The following TTLL5 variants were observed in gnomAD, a reference collection of about 807,000 sequenced individuals.
The protein encoded by TTLL5 is tubulin tyrosine ligase like 5.
In TTLL5, 132 loss-of-function variants were observed where a neutral mutation model predicts 168.4. That is an observed-to-expected ratio of 0.78 (90% CI 0.68 to 0.91). The LOEUF (loss-of-function observed/expected upper bound fraction) is 0.91, where lower values mean the gene tolerates loss of function less well. Ranked by LOEUF, TTLL5 falls within the 40% of genes least tolerant of loss-of-function variation. The probability of loss-of-function intolerance (pLI) is 0.00; values close to 1 mark genes in which losing one functional copy is unlikely to be tolerated. For missense variants in TTLL5, 1,545 were observed against 1,581.5 expected (o/e 0.98, Z 0.39); for synonymous variants, 546 against 558.6 (o/e 0.98, Z 0.32).
At chr14:75,928,898 G>A (rs1297324485) in intron 31 of TTLL5, among the ~76,000 whole-genome samples, 2 of 152,286 alleles carry the variant, frequency 1.3e-5, no homozygotes, top group East Asian at 1.9e-4. Context: ...GTGATATGAA[G>A]TATTTAGTTT....
intron 27 of TTLL5, among the ~76,000 whole-genome samples, chr14:75,796,473 G>A (rs1239578130): frequency 6.6e-6 from 1 of 152,052 alleles, no homozygotes; most frequent in African/African-American, 2.4e-5. Flanking sequence ...TTTGCTTTTG[G>A]GGTCTTGGCC....
At chr14:75,706,861 T>C (rs563728653) in intron 7 of TTLL5, among the ~76,000 whole-genome samples, 157 bp from the exon 8 acceptor site, 1 of 152,276 alleles carries the variant, frequency 6.6e-6, no homozygotes, top group South Asian at 2.1e-4. Flanking sequence ...TGATATTATA[T>C]GGCCAACTGA....
intron 12 of TTLL5, among the ~76,000 whole-genome samples, chr14:75,730,886 A>G (rs1395419258): frequency 6.6e-6 from 1 of 151,822 alleles, no homozygotes; most frequent in Non-Finnish European, 1.5e-5. Context: ...CGCCCAGCTA[A>G]TTTTTGTATT....
chr14:75,885,460 C>T (rs1198323298), intron 30 of TTLL5, among the ~76,000 whole-genome samples: 1 of 152,204 alleles, frequency 6.6e-6, no homozygotes, highest in African/African-American at 2.4e-5. Flanking sequence ...CCACTGCACT[C>T]CAGCCTGGGT....
chr14:75,695,312 G>A (rs540751174), intron 6 of TTLL5, among the ~76,000 whole-genome samples: 2 of 152,302 alleles, frequency 1.3e-5, no homozygotes, highest in African/African-American at 4.8e-5. Context: ...ATTTTAGTCA[G>A]ACTGGTTGTC....
intron 29 of TTLL5, among the ~76,000 whole-genome samples, chr14:75,876,898 G>A (rs1012141977): frequency 2.0e-5 from 3 of 152,232 alleles, no homozygotes; most frequent in Non-Finnish European, 4.4e-5. Flanking sequence ...GCTCTGAACA[G>A]TCTTGGCCTG....
rs115597829 is a variant in TTLL5, at chr14:75,824,400, G to C, written c.3326+4239G>C. On this transcript the variant is annotated intron_variant, in intron 28 of 31. Coordinates refer to ENST00000298832, the MANE Select transcript of TTLL5 (RefSeq NM_015072.5). ...TTATGGGATAGACAATTTGAAGAAA[G>C]GGTGTCAAGAAGGGCATGTAAGGAG... is the stretch of plus-strand genomic sequence containing the variant. Among the ~76,000 whole-genome samples the C allele has an allele frequency of 5.1e-3, 773 of 151,602 alleles. 12 individuals carry two copies. The highest frequency in any genetic ancestry group is 0.017 in the African/African-American group (720 of 41,280).
At chr14:75,928,559 C>A (rs1037313576) in intron 31 of TTLL5, among the ~76,000 whole-genome samples, 2 of 151,798 alleles carry the variant, frequency 1.3e-5, no homozygotes, top group Non-Finnish European at 2.9e-5. Flanking sequence ...CTCCCTCCCT[C>A]CCCTGAGATT....
chr14:75,892,367 A>G (rs1039416204), intron 30 of TTLL5, among the ~76,000 whole-genome samples: 1 of 152,256 alleles, frequency 6.6e-6, no homozygotes, highest in Non-Finnish European at 1.5e-5. Context: ...AGCTGAAGCT[A>G]CAGGCTTTCT....
In TTLL5 at chr14:75,864,817, G is replaced by T. The variant is rs115631082; in HGVS notation, c.3522+955G>T. Among the ~76,000 whole-genome samples, 1,274 of 152,200 alleles carry T rather than the reference G, an allele frequency of 8.4e-3. 18 individuals are homozygous for T. Among genetic ancestry groups the T allele is most frequent in the African/African-American group, 0.029 (1,200 of 41,526 alleles). ...CTTATAAAAATGTAGTACATAGTGT[G>T]TATGAGTTTGTGCAAAATTATTTAC... is the stretch of plus-strand genomic sequence containing the variant. On this transcript the variant is annotated intron_variant, in intron 29 of 31. Coordinates refer to ENST00000298832, the MANE Select transcript of TTLL5 (RefSeq NM_015072.5).
chr14:75,935,104 A>T (rs1469544959), intron 31 of TTLL5, among the ~76,000 whole-genome samples: 1 of 152,238 alleles, frequency 6.6e-6, no homozygotes, highest in Non-Finnish European at 1.5e-5. Context: ...GTGAGCTGAC[A>T]TCTGATTCCT....
chr14:75,923,137 G>A (rs1233981345), intron 31 of TTLL5, among the ~76,000 whole-genome samples: 1 of 152,108 alleles, frequency 6.6e-6, no homozygotes, highest in Non-Finnish European at 1.5e-5. Flanking sequence ...TGTCAATTTT[G>A]TTGATCTTCT....
chr14:75,905,260 A>G (rs2033096037), intron 31 of TTLL5, among the ~76,000 whole-genome samples: 1 of 152,180 alleles, frequency 6.6e-6, no homozygotes, highest in East Asian at 1.9e-4. Context: ...GTTAAACATG[A>G]TATTGAGTCC....
Position 75,664,606 on chromosome 14 carries a change from G to T in TTLL5, c.74+1383G>T, listed in dbSNP as rs1165956738. 2.0e-5 allele frequency among the ~76,000 whole-genome samples: 3 copies of T among 152,278 alleles called. No homozygotes were observed. In the East Asian group the frequency reaches 5.8e-4, roughly 29 times the overall value. On this transcript the variant is annotated intron_variant, in intron 2 of 31. Coordinates refer to ENST00000298832, the MANE Select transcript of TTLL5 (RefSeq NM_015072.5). ...GATTACTTGTAATTTGAAAAAAATT[G>T]TTGAAGCATTAAGAAAGCTTTGAGG...
intron 28 of TTLL5, among the ~76,000 whole-genome samples, chr14:75,837,869 G>T (rs540757797): frequency 6.6e-6 from 1 of 151,994 alleles, no homozygotes; most frequent in East Asian, 1.9e-4. Context: ...GAGTGTGTGT[G>T]TGTATATATG....
chr14:75,874,426 A>C (rs1345216520), intron 29 of TTLL5, among the ~76,000 whole-genome samples: 1 of 152,196 alleles, frequency 6.6e-6, no homozygotes, highest in Non-Finnish European at 1.5e-5. Context: ...ATCTGTGTAG[A>C]TTATTGACAT....
At chr14:75,665,215 G>A (rs1883168796) in intron 2 of TTLL5, among the ~76,000 whole-genome samples, 1 of 152,186 alleles carries the variant, frequency 6.6e-6, no homozygotes, top group South Asian at 2.1e-4. Flanking sequence ...AATATGTGCT[G>A]TTTTACTAAT....
At chr14:75,845,617 A>T (rs1896502617) in intron 28 of TTLL5, among the ~76,000 whole-genome samples, 1 of 152,214 alleles carries the variant, frequency 6.6e-6, no homozygotes, top group African/African-American at 2.4e-5. Context: ...TTTATGCCAG[A>T]TCCTGTGCTT....
chr14:75,679,837 C>T (rs1001650994), intron 3 of TTLL5, among the ~76,000 whole-genome samples: 1 of 152,190 alleles, frequency 6.6e-6, no homozygotes, highest in African/African-American at 2.4e-5. Context: ...AACACTGTTA[C>T]TTGGCTTTGA....
Sources: allele counts gnomAD v4.1 joint callset (sites outside exome capture counted in the v4.1 genomes callset), GRCh38; gene constraint gnomAD v4.1.1; transcripts MANE v1.5; gene names NCBI Gene and HGNC (gene_info 2026-07-23, HGNC 2026-07-21).